The following CUBN variants were observed in gnomAD, a reference collection of about 807,000 sequenced individuals.
The protein encoded by CUBN is cubilin.
In CUBN, 282 loss-of-function variants were observed where a neutral mutation model predicts 405.3. That is an observed-to-expected ratio of 0.70 (90% confidence interval 0.63 to 0.77). The LOEUF is 0.77. Ranked by LOEUF, CUBN falls within the 30% of genes least tolerant of loss-of-function variation. CUBN has a pLI of 0.00. For synonymous variants in CUBN, 1,684 were observed against 1,617.0 expected (o/e 1.04, Z -0.99); for missense variants, 4,514 against 4,475.2 (o/e 1.01, Z -0.25).
chr10:17,115,369 T>C (rs1836868460), intron 7 of CUBN, 102 bp downstream of exon 7: 2 of 1,477,638 alleles, frequency 1.4e-6, no homozygotes, highest in East Asian at 2.3e-5. Flanking sequence ...TGACTTCACC[T>C]CTGTAAGCTC....
chr10:16,911,255 T>TA (rs768179033), intron 48 of CUBN, among the ~76,000 whole-genome samples: 5 of 152,200 alleles, frequency 3.3e-5, no homozygotes, highest in Admixed American at 6.5e-5. Context: ...GTTGCCATAC[T>TA]ACACTACTTG....
intron 25 of CUBN, 21 bp downstream of exon 25, chr10:17,044,986 T>C (rs1835093999): frequency 1.9e-6 from 3 of 1,610,380 alleles, no homozygotes; most frequent in Non-Finnish European, 2.5e-6. Flanking sequence ...GGGAACAATA[T>C]GATGGAAACA....
At chr10:17,052,652 C>T (rs1280380955) in intron 22 of CUBN, among the ~76,000 whole-genome samples, 7 of 148,420 alleles carry the variant, frequency 4.7e-5, no homozygotes, top group Admixed American at 6.8e-5. Context: ...CCCAGCTACT[C>T]GGGAGGCTGA....
rs75090153 is a variant in CUBN at position 16,978,795 on chromosome 10, C to A, written c.4695+3689G>T. Among the ~76,000 whole-genome samples, 1,008 of 152,264 alleles carry A rather than the reference C, an allele frequency of 6.6e-3. 21 individuals carry two copies. In the East Asian group the frequency reaches 0.085, roughly 13 times the overall value. On this transcript the variant is annotated intron_variant, in intron 31 of 66. Coordinates refer to ENST00000377833, the MANE Select transcript of CUBN (RefSeq NM_001081.4). ...GGTAGCCCGGAACAAGACAAGGGTG[C>A]CCTCTCTAACCACTCCTATTCAACA...
At chr10:16,985,147 C>T (rs1304044890) in intron 29 of CUBN, among the ~76,000 whole-genome samples, 2 of 152,250 alleles carry the variant, frequency 1.3e-5, no homozygotes, top group Admixed American at 6.5e-5. Context: ...AACAGGCATT[C>T]TTGTTTCCAC....
intron 66 of CUBN, 64 bp from the exon 67 acceptor site, chr10:16,825,146 G>T: frequency 8.8e-7 from 1 of 1,142,826 alleles, no homozygotes; most frequent in Non-Finnish European, 1.3e-6. Context: ...TTCTAGGAAT[G>T]TTAGCCTAGT....
intron 33 of CUBN, 79 bp from the exon 34 acceptor site, chr10:16,950,190 T>C: frequency 1.1e-6 from 1 of 933,986 alleles, no homozygotes; most frequent in Middle Eastern, 2.1e-4. Flanking sequence ...GACGGGGAGG[T>C]GGGGATGGTT....
intron 17 of CUBN, among the ~76,000 whole-genome samples, chr10:17,076,067 C>T (rs1240048854): frequency 2.0e-5 from 3 of 152,112 alleles, no homozygotes; most frequent in African/African-American, 7.2e-5. Flanking sequence ...TCTCTCTTTT[C>T]TATTTCGCCC....
Position 16,939,138 on chromosome 10 carries a change from T to C in CUBN, c.5558A>G (p.Asn1853Ser). The change falls in exon 38 of 67, where the codon AAT (asparagine) becomes AGT (serine). Residue 1853 changes from asparagine (N) to serine (S), a missense_variant. Asn to Ser is a conservative substitution (Grantham distance 46). Transcript: ENST00000377833. ...FQATFMKIFGNDNIVGTHGKV... is the reference protein window; with the variant it reads ...FQATFMKIFGSDNIVGTHGKV... ...CCCATGAGTTCCCACAATATTATCATTGCCAAATACTAGGAGGGAAGACAG... is the reference window on the plus strand; with the variant it reads ...CCCATGAGTTCCCACAATATTATCACTGCCAAATACTAGGAGGGAAGACAG... 6.2e-7 allele frequency: 1 copy of C among 1,613,430 alleles called. No homozygotes were observed. Among genetic ancestry groups the C allele is most frequent in the East Asian group, 2.2e-5 (1 of 44,850 alleles).
chr10:16,882,433 T>C (rs986257173), intron 56 of CUBN, among the ~76,000 whole-genome samples: 4 of 152,240 alleles, frequency 2.6e-5, no homozygotes, highest in Admixed American at 1.3e-4. Flanking sequence ...TACCATGCAG[T>C]AAAATTTAAT....
At chr10:16,828,088 A>C (rs1392713686) in intron 66 of CUBN, among the ~76,000 whole-genome samples, 1 of 152,150 alleles carries the variant, frequency 6.6e-6, no homozygotes, top group African/African-American at 2.4e-5. Context: ...CACGTGTCCA[A>C]ATTTTCTACA....
intron 60 of CUBN, among the ~76,000 whole-genome samples, chr10:16,844,553 G>GGAAGGTAGGAGGCA (rs1839455486): frequency 6.6e-6 from 1 of 152,200 alleles, no homozygotes; most frequent in Admixed American, 6.5e-5. Flanking sequence ...TAAATGTGAA[G>GGAAGGTAGGAGGCA]GAAGGTAGGA....
At chr10:17,123,779 C>G in intron 4 of CUBN, 90 bp from the exon 5 acceptor site, 1 of 816,400 alleles carries the variant, frequency 1.2e-6, no homozygotes, top group South Asian at 1.4e-5. Flanking sequence ...ACATTTAACT[C>G]TTAATCAGTG....
chr10:16,937,527 A>T, intron 39 of CUBN, 65 bp downstream of exon 39: 1 of 1,375,000 alleles, frequency 7.3e-7, no homozygotes, highest in East Asian at 2.4e-5. Context: ...TTATGATAGG[A>T]TCCTTTGAAA....
chr10:17,055,919 A>AATGAAT (rs1466251760), intron 22 of CUBN, among the ~76,000 whole-genome samples: 2 of 152,120 alleles, frequency 1.3e-5, no homozygotes, highest in African/African-American at 4.8e-5. Context: ...CTGATTCTAA[A>AATGAAT]ATGAATATGG....
chr10:16,829,235 C>G (rs1838892940), intron 65 of CUBN, among the ~76,000 whole-genome samples, 195 bp from the exon 66 acceptor site: 2 of 152,148 alleles, frequency 1.3e-5, no homozygotes, highest in South Asian at 4.1e-4. Context: ...CCACTGCCAC[C>G]TCCACCTCTT....
intron 36 of CUBN, among the ~76,000 whole-genome samples, chr10:16,945,750 G>A (rs1467535683): frequency 1.6e-5 from 2 of 128,054 alleles, no homozygotes; most frequent in Non-Finnish European, 3.1e-5. Flanking sequence ...CTGGGCAACA[G>A]AGCCAGACTG....
intron 27 of CUBN, among the ~76,000 whole-genome samples, chr10:17,030,858 G>A (rs1482733002): frequency 3.9e-5 from 6 of 152,052 alleles, no homozygotes. Flanking sequence ...GGCACAGGTT[G>A]CAGTGAGCCA....
chr10:16,836,325 A>C lies in CUBN; in HGVS notation c.10090T>G (p.Phe3364Val), dbSNP rs755801237. Residue 3364 changes from phenylalanine (F) to valine (V), a missense_variant, in exon 63 of 67, where the codon TTT (phenylalanine) becomes GTT (valine). This residue lies in a region of CUBN where 1,186 missense variants were observed against 1,186.9 expected (regional missense o/e 1.00). Coordinates refer to ENST00000377833, the MANE Select transcript of CUBN (RefSeq NM_001081.4). ...CGRNASAVPV[F>V]YSSMSTAMVI... Reference sequence around the variant, plus strand: ...ATTGCAGTACTCATAGAAGAATAAAACACTGGCACAGCCGAAGCATTTCTG... The same window carrying C: ...ATTGCAGTACTCATAGAAGAATAAACCACTGGCACAGCCGAAGCATTTCTG... 1 of 1,614,012 alleles carries C rather than the reference A, an allele frequency of 6.2e-7. No individual in the cohort carries two copies. Among genetic ancestry groups the C allele is most frequent in the Non-Finnish European group, 8.5e-7 (1 of 1,179,838 alleles).
Sources: gnomAD v4.1 joint callset for allele counts (sites outside exome capture counted in the v4.1 genomes callset) on GRCh38, gnomAD v4.1.1 for gene constraint, gnomAD v4.1.1 regional missense constraint, MANE v1.5 for transcripts, NCBI Gene and HGNC (gene_info 2026-07-23, HGNC 2026-07-21) for gene names.